The following SUDS3 variants were observed in gnomAD, a reference collection of about 807,000 sequenced individuals.
SUDS3 encodes the protein SIN3A corepressor complex component SDS3.
A neutral mutation model predicts 53.5 loss-of-function variants in SUDS3; 23 were observed. That is an observed-to-expected ratio of 0.43 (90% CI 0.31 to 0.61). SUDS3 has a LOEUF of 0.61. SUDS3 is among the 20% of genes least tolerant of loss of function. The pLI is 0.10. For synonymous variants in SUDS3, 150 were observed against 148.5 expected, an observed-to-expected ratio of 1.01 and a Z score of -0.08; for missense variants, 291 against 405.9, an observed-to-expected ratio of 0.72 and a Z score of 2.43.
chr12:118,401,708 T>C (rs2046264074), intron 7 of SUDS3, 51 bp from the exon 8 acceptor site: 1 of 1,461,456 alleles, frequency 6.8e-7, no homozygotes, highest in Non-Finnish European at 9.6e-7. Context: ...TGTTGATTAC[T>C]CTTTGCCTGG....
intron 4 of SUDS3, among the ~76,000 whole-genome samples, chr12:118,386,534 T>G (rs2046116351): frequency 6.6e-6 from 1 of 152,156 alleles, no homozygotes; most frequent in East Asian, 1.9e-4. Flanking sequence ...GTAGGTTGTT[T>G]TTGTCCCATT....
chr12:118,397,315 A>G (rs2141377383), intron 6 of SUDS3, among the ~76,000 whole-genome samples: 1 of 152,258 alleles, frequency 6.6e-6, no homozygotes, highest in African/African-American at 2.4e-5. Context: ...TGGGACTCTT[A>G]GAGTCCCAGT....
At chr12:118,381,528 A>C (rs2046059648) in intron 2 of SUDS3, among the ~76,000 whole-genome samples, 1 of 152,050 alleles carries the variant, frequency 6.6e-6, no homozygotes, top group Non-Finnish European at 1.5e-5. Flanking sequence ...GACTACAGGC[A>C]CATGCCACCA....
intron 10 of SUDS3, among the ~76,000 whole-genome samples, chr12:118,409,489 C>T (rs1406992177): frequency 1.3e-5 from 2 of 152,144 alleles, no homozygotes; most frequent in Non-Finnish European, 2.9e-5. Context: ...AGTACATTGA[C>T]TTGGAAACCT....
intron 11 of SUDS3, among the ~76,000 whole-genome samples, chr12:118,414,134 A>T (rs1350746809): frequency 1.3e-5 from 2 of 152,206 alleles, no homozygotes; most frequent in Admixed American, 1.3e-4. Flanking sequence ...TTCAAGGCTG[A>T]TGCCTGTTCC....
chr12:118,406,244 C>A (rs2046307328), intron 10 of SUDS3, among the ~76,000 whole-genome samples: 1 of 152,170 alleles, frequency 6.6e-6, no homozygotes, highest in African/African-American at 2.4e-5. Context: ...GCCTGTGAGT[C>A]AGAAACGAAG....
intron 3 of SUDS3, among the ~76,000 whole-genome samples, 178 bp from the exon 4 acceptor site, chr12:118,385,936 C>T (rs2046110976): frequency 6.6e-6 from 1 of 152,180 alleles, no homozygotes; most frequent in Non-Finnish European, 1.5e-5. Context: ...TTTGAATGGG[C>T]CCCTAGTGGT....
chr12:118,391,572 A>G (rs2046168189), intron 6 of SUDS3, among the ~76,000 whole-genome samples: 1 of 152,222 alleles, frequency 6.6e-6, no homozygotes, highest in Non-Finnish European at 1.5e-5. Flanking sequence ...GATGTTCAAT[A>G]GTTGCTAGAC....
At chr12:118,377,832 G>A (rs2046015510) in intron 1 of SUDS3, among the ~76,000 whole-genome samples, 1 of 152,158 alleles carries the variant, frequency 6.6e-6, no homozygotes, top group Non-Finnish European at 1.5e-5. Context: ...TGGGGCCTAC[G>A]TTTTATTCAT....
chr12:118,388,977 C>T (rs1264140455), intron 4 of SUDS3, among the ~76,000 whole-genome samples: 3 of 152,130 alleles, frequency 2.0e-5, no homozygotes, highest in African/African-American at 2.4e-5. Flanking sequence ...GGTGAAACCC[C>T]GTCTCTACTA....
chr12:118,399,634 A>T (rs1415657019), intron 6 of SUDS3, among the ~76,000 whole-genome samples: 1 of 152,192 alleles, frequency 6.6e-6, no homozygotes, highest in Non-Finnish European at 1.5e-5. Flanking sequence ...GGAGGTAGCC[A>T]GTGAAAGGAT....
intron 1 of SUDS3, among the ~76,000 whole-genome samples, chr12:118,378,719 A>G (rs1018966387): frequency 6.6e-6 from 1 of 151,878 alleles, no homozygotes; most frequent in Non-Finnish European, 1.5e-5. Context: ...CTTGTTGCCC[A>G]GGGTGGAGTG....
intron 1 of SUDS3, 73 bp from the exon 2 acceptor site, chr12:118,380,089 A>G (rs2046042213): frequency 1.6e-6 from 2 of 1,216,460 alleles, no homozygotes; most frequent in Non-Finnish European, 2.4e-6. Context: ...TATTGAGTGC[A>G]TACTCTGTGT....
chr12:118,407,995 G>A (rs943036079), intron 10 of SUDS3, among the ~76,000 whole-genome samples: 1 of 151,936 alleles, frequency 6.6e-6, no homozygotes, highest in African/African-American at 2.4e-5. Flanking sequence ...TCCGCCTCCC[G>A]AGTTCAAGCT....
chr12:118,391,220 C>A lies in SUDS3; in HGVS notation c.455C>A (p.Ala152Asp), dbSNP rs369923125. The change falls in exon 6 of 12, where the codon GCT becomes GAT. Residue 152 changes from alanine (A) to aspartate (D), a missense_variant. Physicochemically the swap from Ala to Asp is moderately radical, Grantham distance 126 (BLOSUM62 -2). Transcript: ENST00000543473. The part of the protein sequence containing the change: ...KKVELKENLI[A>D]ELEEKKKMIE... Reference sequence around the variant, plus strand: ...GTTGAGCTGAAAGAGAACCTGATTGCTGAGCTAGAAGAAAAGAAGAAAATG... The same window carrying A: ...GTTGAGCTGAAAGAGAACCTGATTGATGAGCTAGAAGAAAAGAAGAAAATG... 1 of 1,613,440 alleles carries A rather than the reference C, an allele frequency of 6.2e-7. No individual in the cohort carries two copies. The highest frequency in any genetic ancestry group is 8.5e-7 in the Non-Finnish European group (1 of 1,179,830).
chr12:118,401,706 A>G, intron 7 of SUDS3, 53 bp from the exon 8 acceptor site: 1 of 1,419,962 alleles, frequency 7.0e-7, no homozygotes, highest in African/African-American at 1.4e-5. Flanking sequence ...TGTGTTGATT[A>G]CTCTTTGCCT....
At chr12:118,377,567 C>T (rs908328194) in intron 1 of SUDS3, among the ~76,000 whole-genome samples, 7 of 139,446 alleles carry the variant, frequency 5.0e-5, no homozygotes, top group African/African-American at 1.6e-4. Context: ...GCTTAATGGT[C>T]CCCAGGTGTT....
At chr12:118,383,963 T>G (rs2046090802) in intron 2 of SUDS3, 49 bp from the exon 3 acceptor site, 7 of 1,537,406 alleles carry the variant, frequency 4.6e-6, no homozygotes, top group Admixed American at 1.8e-5. Context: ...ATTTTGGAAT[T>G]GAGTATTGAA....
chr12:118,401,407 C>T (rs2046261287), intron 7 of SUDS3, among the ~76,000 whole-genome samples: 1 of 152,200 alleles, frequency 6.6e-6, no homozygotes, highest in African/African-American at 2.4e-5. Flanking sequence ...GAAGATTGGC[C>T]TTACCTTGGG....
Sources: allele counts gnomAD v4.1 joint callset (sites outside exome capture counted in the v4.1 genomes callset), GRCh38; gene constraint gnomAD v4.1.1; transcripts MANE v1.5; gene names NCBI Gene and HGNC (gene_info 2026-07-23, HGNC 2026-07-21).